The following NUCB1 variants were observed in gnomAD, a reference collection of about 807,000 sequenced individuals.
NUCB1 encodes nucleobindin-1.
Under a neutral mutation model 61.2 loss-of-function variants are expected in NUCB1, and 47 were observed. The observed-to-expected ratio is 0.77, with a 90% CI of 0.61 to 0.98. The LOEUF is 0.98. Ranked by LOEUF, NUCB1 falls within the 50% of genes least tolerant of loss-of-function variation. The pLI is 0.00. For synonymous variants in NUCB1, 234 were observed against 243.1 expected, an observed-to-expected ratio of 0.96 and a Z score of 0.35; for missense variants, 583 against 605.3, an observed-to-expected ratio of 0.96 and a Z score of 0.39.
chr19:48,904,530 T>TG, intron 3 of NUCB1, 76 bp downstream of exon 3: 10 of 739,926 alleles, frequency 1.4e-5, no homozygotes, highest in Admixed American at 3.0e-5. Context: ...CTGGTTTCTT[T>TG]TTTTTTTTTT....
chr19:48,907,073 C>G (rs2037420291), intron 4 of NUCB1, among the ~76,000 whole-genome samples: 1 of 151,078 alleles, frequency 6.6e-6, no homozygotes, highest in Non-Finnish European at 1.5e-5. Context: ...CTCCTGGATT[C>G]ACGCCATTCT....
chr19:48,902,178 T>C (rs1395895766), intron 2 of NUCB1, among the ~76,000 whole-genome samples: 8 of 151,592 alleles, frequency 5.3e-5, no homozygotes. Context: ...TGGTGCAATC[T>C]TGGCTCACTG....
intron 3 of NUCB1, among the ~76,000 whole-genome samples, chr19:48,904,848 T>A (rs1195149303): frequency 6.6e-6 from 1 of 152,146 alleles, no homozygotes; most frequent in Non-Finnish European, 1.5e-5. Context: ...AGGGGCCACA[T>A]GGCTCCAGCT....
rs1054805637 is a variant in NUCB1, at chr19:48,906,886, C to G, written c.376+1001C>G. Among the ~76,000 whole-genome samples the G allele has an allele frequency of 4.6e-5, 7 of 152,308 alleles. No individual in the cohort carries two copies. The South Asian group carries it at 1.2e-3, about 27-fold the overall frequency. On this transcript the variant is annotated intron_variant, in intron 4 of 12. Coordinates refer to ENST00000405315, the MANE Select transcript of NUCB1 (RefSeq NM_006184.6). ...CACAGTCACCATCTCATCACCCTTA[C>G]ACATTTCAGTGTGATACTCTTGCAT...
intron 1 of NUCB1, 103 bp from the exon 2 acceptor site, chr19:48,900,683 T>A: frequency 7.0e-7 from 1 of 1,435,154 alleles, no homozygotes; most frequent in Non-Finnish European, 9.4e-7. Flanking sequence ...GTGTCTTGAT[T>A]CTTGGAAGTG....
intron 7 of NUCB1, among the ~76,000 whole-genome samples, chr19:48,915,795 C>A (rs1030970623): frequency 6.6e-6 from 1 of 151,758 alleles, no homozygotes; most frequent in African/African-American, 2.4e-5. Context: ...GCCATCCCAC[C>A]GGGCACCACC....
chr19:48,905,815 G>T lies in NUCB1; in HGVS notation c.306G>T (p.Glu102Asp). 6.2e-7 allele frequency: 1 copy of T among 1,612,730 alleles called. No homozygotes were observed. The highest frequency in any genetic ancestry group is 8.5e-7 in the Non-Finnish European group (1 of 1,179,296). ...VSHHVRTKLD[E>D]LKRQEVSRLR... Reference sequence around the variant, plus strand: ...ACCACGTCCGCACCAAGCTGGATGAGCTCAAGCGACAGGAGGTGTCACGGC... The same window carrying T: ...ACCACGTCCGCACCAAGCTGGATGATCTCAAGCGACAGGAGGTGTCACGGC... Residue 102 changes from glutamate (E) to aspartate (D), a missense_variant, in exon 4 of 13, where the codon GAG becomes GAT. Glu to Asp is a conservative substitution (Grantham distance 45, BLOSUM62 2). Coordinates refer to ENST00000405315, the MANE Select transcript of NUCB1 (RefSeq NM_006184.6).
intron 10 of NUCB1, among the ~76,000 whole-genome samples, chr19:48,919,578 A>G (rs913591245): frequency 1.3e-5 from 2 of 151,492 alleles, no homozygotes; most frequent in Admixed American, 1.3e-4. Context: ...CCCAGGTTCA[A>G]GCAATTCTCC....
chr19:48,913,545 G>C lies in NUCB1; in HGVS notation c.738G>C (p.Lys246Asn). 6.2e-7 allele frequency: 1 copy of C among 1,614,080 alleles called. No individual in the cohort carries two copies. Among genetic ancestry groups the C allele is most frequent in the Non-Finnish European group, 8.5e-7 (1 of 1,179,930 alleles). The change falls in exon 7 of 13, where the codon AAG (lysine) becomes AAC (asparagine). Residue 246 changes from lysine to asparagine, a missense_variant. Coordinates refer to ENST00000405315, the MANE Select transcript of NUCB1 (RefSeq NM_006184.6). The part of the protein sequence containing the change: ...DGLDPNRFNP[K>N]TFFILHDINS... ...TGGACCCCAACAGGTTTAACCCCAA[G>C]ACCTTCTTCATACTGCATGGTAAGG...
chr19:48,918,086 G>T (rs931936629), intron 7 of NUCB1, among the ~76,000 whole-genome samples: 1 of 152,150 alleles, frequency 6.6e-6, no homozygotes, highest in Admixed American at 6.6e-5. Context: ...GTGGAGGTCA[G>T]GAAGAGGATG....
At chr19:48,905,301 C>T (rs985113928) in intron 3 of NUCB1, among the ~76,000 whole-genome samples, 5 of 152,150 alleles carry the variant, frequency 3.3e-5, no homozygotes, top group African/African-American at 1.2e-4. Context: ...TATCAGGCCT[C>T]TAGGAGCACC....
chr19:48,904,527 C>CT (rs1237030248), intron 3 of NUCB1, 73 bp downstream of exon 3: 55,736 of 576,788 alleles, frequency 0.097, 971 homozygotes, highest in African/African-American at 0.22. Context: ...GGACTGGTTT[C>CT]TTTTTTTTTT....
At position 48,919,256 on chromosome 19, in the gene NUCB1, G is replaced by T. The variant is rs373524238; in HGVS notation, c.972G>T (p.Lys324Asn). 6 of 1,613,890 alleles carry T rather than the reference G, an allele frequency of 3.7e-6. No individual in the cohort carries two copies. Among genetic ancestry groups the T allele is most frequent in the Non-Finnish European group, 4.2e-6 (5 of 1,179,874 alleles). ...LEEFLASTQR[K>N]EFGDTGEGWE... Reference sequence around the variant, plus strand: ...AGTTCCTCGCATCCACTCAGAGGAAGGAGTTTGGGGACACCGGGGAGGGCT... The same window carrying T: ...AGTTCCTCGCATCCACTCAGAGGAATGAGTTTGGGGACACCGGGGAGGGCT... The change falls in exon 10 of 13, where the codon AAG (lysine) becomes AAT (asparagine). Residue 324 changes from lysine (K) to asparagine (N), a missense_variant. By Grantham distance (94) the Lys-to-Asn change is moderately conservative. Coordinates refer to ENST00000405315, the MANE Select transcript of NUCB1 (RefSeq NM_006184.6).
intron 4 of NUCB1, among the ~76,000 whole-genome samples, chr19:48,910,733 T>A (rs1410108041): frequency 6.6e-6 from 1 of 151,814 alleles, no homozygotes; most frequent in African/African-American, 2.4e-5. Context: ...GGTTTTTGGA[T>A]GTCCAATGGC....
At chr19:48,904,196 A>G in intron 2 of NUCB1, 151 bp from the exon 3 acceptor site, 1 of 574,922 alleles carries the variant, frequency 1.7e-6, no homozygotes, top group Admixed American at 2.8e-5. Flanking sequence ...CACTGATGTG[A>G]TTTTCATTTC....
At chr19:48,921,090 T>C in intron 10 of NUCB1, 64 bp from the exon 11 acceptor site, 2 of 1,519,716 alleles carry the variant, frequency 1.3e-6, no homozygotes, top group Middle Eastern at 1.9e-4. Context: ...GGCACAACCC[T>C]CTCCAACATG....
At chr19:48,903,405 G>GGCGGGTGGATGGATGA (rs2037372865) in intron 2 of NUCB1, among the ~76,000 whole-genome samples, 1 of 122,808 alleles carries the variant, frequency 8.1e-6, no homozygotes, top group Non-Finnish European at 1.7e-5. Flanking sequence ...TGGATGGATG[G>GGCGGGTGGATGGATGA]GCGGGTGGAT....
At chr19:48,911,504 C>A (rs969558241) in intron 5 of NUCB1, among the ~76,000 whole-genome samples, 3 of 150,840 alleles carry the variant, frequency 2.0e-5, no homozygotes, top group Non-Finnish European at 4.4e-5. Context: ...CTCCCGGGTT[C>A]AAGCGATTCT....
chr19:48,910,102 C>T (rs117325225), intron 4 of NUCB1, among the ~76,000 whole-genome samples: 2,261 of 151,838 alleles, frequency 0.015, 21 homozygotes, highest in Non-Finnish European at 0.023. Flanking sequence ...ATTTTTCAGA[C>T]GGAGTCTCAC....
Sources: allele counts gnomAD v4.1 joint callset (sites outside exome capture counted in the v4.1 genomes callset), GRCh38; gene constraint gnomAD v4.1.1; transcripts MANE v1.5; gene names NCBI Gene and HGNC (gene_info 2026-07-23, HGNC 2026-07-21).